The following RADX variants were observed in gnomAD, a reference collection of about 807,000 sequenced individuals.
RADX encodes RPA1 related single stranded DNA binding protein, X-linked, also known as RPA-related protein RADX.
RADX carries 36 observed loss-of-function variants against 61.6 expected under a neutral mutation model. The ratio of observed to expected loss-of-function variants is 0.58; its 90% CI spans 0.45 to 0.77. RADX has a LOEUF of 0.77. RADX is among the 30% of genes least tolerant of loss of function. The pLI is 0.00. For missense variants in RADX, 497 were observed against 651.1 expected, an observed-to-expected ratio of 0.76 and a Z score of 2.58; for synonymous variants, 272 against 237.9, an observed-to-expected ratio of 1.14 and a Z score of -1.32.
Position 106,625,166 on chromosome X carries a change from A to C in RADX, c.863A>C (p.Lys288Thr). 1 of 1,208,743 alleles carries C rather than the reference A, an allele frequency of 8.3e-7. No homozygotes were observed. The highest frequency in any genetic ancestry group is 1.8e-5 in the South Asian group (1 of 56,567). Residue 288 changes from lysine to threonine, a missense_variant, in exon 3 of 14, where the codon AAA becomes ACA. Lys to Thr is a moderately conservative substitution (Grantham distance 78). Around this residue, in one of 3 missense-constraint regions of RADX, gnomAD observed 196 missense variants for 315.0 expected, o/e 0.62. Coordinates refer to ENST00000372548, the MANE Select transcript of RADX (RefSeq NM_018015.6). ...AATGCCCTGTGTCCTGAGTGGTATA[A>C]AAGTTTGCGGGTTGGTTTAGTTCTT... Reference protein sequence around the residue: ...MWNALCPEWYKSLRVGLVLLL... With the variant: ...MWNALCPEWYTSLRVGLVLLL...
intron 1 of RADX, among the ~76,000 whole-genome samples, chrX:106,615,807 T>C (rs991719518): frequency 1.5e-4 from 17 of 111,715 alleles, no homozygotes; most frequent in African/African-American, 5.2e-4. Flanking sequence ...ATGAAATAAA[T>C]TGATGTTTTT....
At chrX:106,639,833 G>T (rs1382172478) in intron 9 of RADX, 146 bp downstream of exon 9, 2 of 407,722 alleles carry the variant, frequency 4.9e-6, no homozygotes, top group East Asian at 9.2e-5. Flanking sequence ...GGTGCAAAAG[G>T]CATTGTGGTT....
At chrX:106,655,583 C>A (rs1354397319) in intron 11 of RADX, among the ~76,000 whole-genome samples, 1 of 109,220 alleles carries the variant, frequency 9.2e-6, no homozygotes, top group Non-Finnish European at 1.9e-5. Context: ...TGAGTGAGAA[C>A]ATGCGGTGTT....
In RADX at chrX:106,662,002, G is replaced by A. The variant is rs1417396553; in HGVS notation, c.1979-13G>A. The A allele has an allele frequency of 8.3e-7, 1 of 1,201,054 alleles. No homozygotes were observed. Among genetic ancestry groups the A allele is most frequent in the Admixed American group, 2.2e-5 (1 of 45,349 alleles). ...ATAGATCAATTGTGTCTATCTCCTT[G>A]TGTCTTTAACAGGTCGAGCAAATAT... On this transcript the variant is annotated splice_polypyrimidine_tract_variant and intron_variant, in intron 11 of 13. Coordinates refer to ENST00000372548, the MANE Select transcript of RADX (RefSeq NM_018015.6).
chrX:106,622,697 C>T lies in RADX; in HGVS notation c.690C>T (p.Asn230=). The T allele has an allele frequency of 8.4e-7, 1 of 1,187,330 alleles. No homozygotes were observed. Among genetic ancestry groups the T allele is most frequent in the African/African-American group, 1.8e-5 (1 of 56,886 alleles). Residue 230 remains asparagine, a synonymous_variant, in exon 2 of 14, where the codon AAC becomes AAT. Transcript: ENST00000372548. ...SLSHLEMTWT[N]RRNFPALLVR... ...CTCATCTTGAAATGACCTGGACTAA[C>T]AGAAGAAATTTTCCTGCATTGCTTG...
chrX:106,653,023 A>G (rs1927836911), intron 11 of RADX, among the ~76,000 whole-genome samples: 2 of 107,971 alleles, frequency 1.9e-5, no homozygotes, highest in African/African-American at 6.7e-5. Context: ...AGAATTCTAT[A>G]CACAGTGACT....
chrX:106,636,648 G>T lies in RADX; in HGVS notation c.1408+1G>T. The T allele has an allele frequency of 9.6e-7, 1 of 1,046,341 alleles. No individual in the cohort carries two copies. The highest frequency in any genetic ancestry group is 2.1e-5 in the South Asian group (1 of 48,322). 86.2% of individuals were successfully genotyped at this position (1,046,341 alleles called of 1,213,427 possible). A position where few individuals can be genotyped will look rare whatever the true frequency, so the allele number is the denominator to read the frequency against. ...AATGAGAGTGGAGTGTTTATTACTGGTGAGTAATTTCTTTGTGTATATTAT... is the reference window on the plus strand; with the variant it reads ...AATGAGAGTGGAGTGTTTATTACTGTTGAGTAATTTCTTTGTGTATATTAT... On this transcript the variant is annotated splice_donor_variant, in intron 7 of 13. Transcript: ENST00000372548. LOFTEE classifies it high-confidence loss of function.
chrX:106,638,119 A>G (rs1927405884), intron 8 of RADX, 195 bp downstream of exon 8: 3 of 380,941 alleles, frequency 7.9e-6, no homozygotes, highest in African/African-American at 2.6e-5. Context: ...TTTTCCCTAT[A>G]TCTCGCATGG....
intron 1 of RADX, among the ~76,000 whole-genome samples, chrX:106,613,165 C>A (rs1490585575): frequency 8.9e-6 from 1 of 112,084 alleles, no homozygotes; most frequent in Non-Finnish European, 1.9e-5. Flanking sequence ...TGCGGGTTTG[C>A]ATGTTTTAAT....
At chrX:106,660,855 G>A (rs1014879265) in intron 11 of RADX, among the ~76,000 whole-genome samples, 6 of 111,884 alleles carry the variant, frequency 5.4e-5, no homozygotes, top group Non-Finnish European at 9.4e-5. Flanking sequence ...GACTGCCTGA[G>A]ACTGGGTAAT....
chrX:106,670,471 C>T (rs1157826917), intron 13 of RADX, among the ~76,000 whole-genome samples: 1 of 110,369 alleles, frequency 9.1e-6, no homozygotes, highest in African/African-American at 3.3e-5. Flanking sequence ...TAGTCACTAA[C>T]ATGGTCATAT....
chrX:106,663,721 T>C (rs761752476), intron 12 of RADX, among the ~76,000 whole-genome samples: 1 of 111,702 alleles, frequency 9.0e-6, no homozygotes, highest in Admixed American at 9.5e-5. Context: ...TATATCAAAA[T>C]ATCTCATGTA....
chrX:106,675,560 T>G (rs915568954), intron 13 of RADX, among the ~76,000 whole-genome samples: 1 of 112,326 alleles, frequency 8.9e-6, no homozygotes, highest in Non-Finnish European at 1.9e-5. Context: ...ACTTGCATTC[T>G]CATTTGCAAG....
At chrX:106,652,113 T>C (rs184733518) in intron 11 of RADX, among the ~76,000 whole-genome samples, 11 of 111,364 alleles carry the variant, frequency 9.9e-5, no homozygotes, top group Non-Finnish European at 1.9e-5. Context: ...AACTTTCGTA[T>C]TCCAATCTTA....
At chrX:106,627,548 G>A (rs1250030554) in intron 3 of RADX, among the ~76,000 whole-genome samples, 1 of 110,788 alleles carries the variant, frequency 9.0e-6, no homozygotes, top group Non-Finnish European at 1.9e-5. Context: ...CAATGCGATA[G>A]ATCCCTAAGA....
intron 1 of RADX, among the ~76,000 whole-genome samples, chrX:106,616,082 C>T (rs1358718519): frequency 2.7e-5 from 3 of 111,143 alleles, no homozygotes; most frequent in Non-Finnish European, 5.7e-5. Context: ...TTGTCTTGGG[C>T]CTGGATTGGG....
intron 3 of RADX, 42 bp from the exon 4 acceptor site, chrX:106,632,583 G>A: frequency 1.1e-6 from 1 of 874,903 alleles, no homozygotes; most frequent in Non-Finnish European, 1.6e-6. Context: ...ATTCTTTGGT[G>A]TGTATTAAAT....
At chrX:106,671,882 G>C (rs1423325950) in intron 13 of RADX, among the ~76,000 whole-genome samples, 1 of 111,418 alleles carries the variant, frequency 9.0e-6, no homozygotes, top group African/African-American at 3.3e-5. Context: ...GCATATTAAA[G>C]AAATTAACCT....
At chrX:106,638,912 A>G (rs751004779) in intron 8 of RADX, among the ~76,000 whole-genome samples, 61 of 111,299 alleles carry the variant, frequency 5.5e-4, no homozygotes, top group African/African-American at 1.9e-3. Flanking sequence ...AATGATATAT[A>G]TTGTGTTTAA....
Sources: gnomAD v4.1 joint callset for allele counts (sites outside exome capture counted in the v4.1 genomes callset) on GRCh38, gnomAD v4.1.1 for gene constraint, gnomAD v4.1.1 regional missense constraint, MANE v1.5 for transcripts, NCBI Gene and HGNC (gene_info 2026-07-23, HGNC 2026-07-21) for gene names.